DUS3L: variants seen among roughly 807,000 people sequenced by gnomAD.
DUS3L encodes tRNA-dihydrouridine(47) synthase [NAD(P)(+)]-like.
A neutral mutation model predicts 74.6 loss-of-function variants in DUS3L; 62 were observed. That is an observed-to-expected ratio of 0.83 (90% CI 0.68 to 1.03). The LOEUF is 1.03. DUS3L is among the 50% of genes least tolerant of loss of function. DUS3L has a pLI of 0.00. For synonymous variants in DUS3L, 433 were observed against 395.7 expected (o/e 1.09, Z -1.12); for missense variants, 884 against 924.4 (o/e 0.96, Z 0.57).
intron 5 of DUS3L, 81 bp downstream of exon 5, chr19:5,787,943 C>T (rs541189923): frequency 1.4e-4 from 222 of 1,571,564 alleles, no homozygotes; most frequent in Non-Finnish European, 1.8e-4. Context: ...AGGGAGGCAA[C>T]CAGGGCAGAC....
chr19:5,787,956 G>T, intron 5 of DUS3L, 68 bp downstream of exon 5: 1 of 1,587,876 alleles, frequency 6.3e-7, no homozygotes, highest in South Asian at 1.1e-5. Context: ...GGGCAGACCT[G>T]GAACCTGGCT....
chr19:5,790,845 T>C, intron 1 of DUS3L, 199 bp downstream of exon 1: 2 of 613,390 alleles, frequency 3.3e-6, no homozygotes, highest in Non-Finnish European at 5.8e-6. Flanking sequence ...GTGGTGTCCT[T>C]CGCGCATGTG....
chr19:5,786,900 A>G, intron 8 of DUS3L, 55 bp from the exon 9 acceptor site: 1 of 1,540,194 alleles, frequency 6.5e-7, no homozygotes, highest in Non-Finnish European at 8.7e-7. Flanking sequence ...CGCAGAGAGG[A>G]AGAGACCAAG....
rs759817503 is a variant in DUS3L at position 5,785,507 on chromosome 19, C to T, written c.1756G>A (p.Val586Met). ...AGCCGCTCCAGCAGCCCCACGGGCA[C>T]GTACCTGCGGCGGGTGGGCGGGCAG... ...LEWLSFLCRY[V>M]PVGLLERLPQ... Residue 586 changes from valine (V) to methionine (M), a missense_variant, in exon 12 of 13, where the codon GTG becomes ATG. By Grantham distance (21) the Val-to-Met change is conservative (BLOSUM62 1). Coordinates refer to ENST00000309061, the MANE Select transcript of DUS3L (RefSeq NM_020175.3). 10 of 1,560,222 alleles carry T rather than the reference C, an allele frequency of 6.4e-6. No individual in the cohort carries two copies. The highest frequency in any genetic ancestry group is 2.3e-5 in the East Asian group (1 of 44,132).
Position 5,789,417 on chromosome 19 carries a change from C to G in DUS3L, c.690G>C (p.Gln230His), listed in dbSNP as rs2056887114. 1.3e-6 allele frequency: 2 copies of G among 1,596,948 alleles called. No homozygotes were observed. The highest frequency in any genetic ancestry group is 1.3e-5 in the African/African-American group (1 of 74,904). Reference sequence around the variant, plus strand: ...GGCCCTGGCTGAACCGGCGCAGGGCCTGCTCAGCTCGCTCGAAGCGGACCT... The same window carrying G: ...GGCCCTGGCTGAACCGGCGCAGGGCGTGCTCAGCTCGCTCGAAGCGGACCT... Reference protein sequence around the residue: ...KREVRFERAEQALRRFSQGPT... With the variant: ...KREVRFERAEHALRRFSQGPT... Residue 230 changes from glutamine to histidine, a missense_variant, in exon 3 of 13, where the codon CAG becomes CAC. Physicochemically the swap from Gln to His is conservative, Grantham distance 24. Coordinates refer to ENST00000309061, the MANE Select transcript of DUS3L (RefSeq NM_020175.3).
chr19:5,789,640 G>T lies in DUS3L; in HGVS notation c.467C>A (p.Ala156Asp). The T allele has an allele frequency of 6.2e-7, 1 of 1,606,832 alleles. No individual in the cohort carries two copies. Among genetic ancestry groups the T allele is most frequent in the Non-Finnish European group, 8.5e-7 (1 of 1,177,820 alleles). The change falls in exon 3 of 13, where the codon GCC becomes GAC. Residue 156 changes from alanine to aspartate, a missense_variant. Coordinates refer to ENST00000309061, the MANE Select transcript of DUS3L (RefSeq NM_020175.3). ...GAGCACGCAGCGGGGGCCCAGGTCGGCCGGCTTGGTCTCCAGGTAGCGCCC... is the reference window on the plus strand; with the variant it reads ...GAGCACGCAGCGGGGGCCCAGGTCGTCCGGCTTGGTCTCCAGGTAGCGCCC... The part of the protein sequence containing the change: ...DVGRYLETKP[A>D]DLGPRCVLFE...
chr19:5,787,624 T>C lies in DUS3L; in HGVS notation c.1177A>G (p.Asn393Asp). 6.2e-7 allele frequency: 1 copy of C among 1,613,802 alleles called. No homozygotes were observed. Among genetic ancestry groups the C allele is most frequent in the Non-Finnish European group, 8.5e-7 (1 of 1,179,974 alleles). Residue 393 changes from asparagine (N) to aspartate (D), a missense_variant, in exon 6 of 13, where the codon AAC becomes GAC. By Grantham distance (23) the Asn-to-Asp change is conservative (BLOSUM62 1). Transcript: ENST00000309061. ...RTVEVDFVDINVGCPIDLVYK... is the reference protein window; with the variant it reads ...RTVEVDFVDIDVGCPIDLVYK... ...ACGAGGTCGATGGGGCAGCCGACGT[T>C]GATGTCCACAAAGTCCACCTCCACG...
intron 7 of DUS3L, 27 bp from the exon 8 acceptor site, chr19:5,787,198 G>C: frequency 7.0e-7 from 1 of 1,422,232 alleles, no homozygotes; most frequent in Non-Finnish European, 9.5e-7. Context: ...GGAGGTGGTG[G>C]GAGATGGTGG....
rs1039946486 is a variant in DUS3L at position 5,789,798 on chromosome 19, T to C, written c.388-79A>G. ...CAGCAGCCAGGGTTCAAACTCTAGATCACCCCTCCTGGCTCTTGTGTCCCT... is the reference window on the plus strand; with the variant it reads ...CAGCAGCCAGGGTTCAAACTCTAGACCACCCCTCCTGGCTCTTGTGTCCCT... On this transcript the variant is annotated intron_variant, in intron 2 of 12. Transcript: ENST00000309061. 59 of 1,519,734 alleles carry C rather than the reference T, an allele frequency of 3.9e-5. 2 individuals carry two copies. In the South Asian group the frequency reaches 7.2e-4, roughly 18 times the overall value. 94.1% of individuals were successfully genotyped at this position (1,519,734 alleles called of 1,614,324 possible).
At position 5,789,839 on chromosome 19, in the gene DUS3L, C is replaced by A. The variant is rs567897555; in HGVS notation, c.388-120G>T. Reference sequence around the variant, plus strand: ...TTGTGTCCCTGAGCAAGTCAGGCACCTCACCGTGCCTCTGCATCTCCATTT... The same window carrying A: ...TTGTGTCCCTGAGCAAGTCAGGCACATCACCGTGCCTCTGCATCTCCATTT... On this transcript the variant is annotated intron_variant, in intron 2 of 12. Transcript: ENST00000309061. 9.7e-4 allele frequency: 1,311 copies of A among 1,345,370 alleles called. 20 individuals are homozygous for A. Among genetic ancestry groups the A allele is most frequent in the Non-Finnish European group, 6.3e-5 (62 of 985,918 alleles). The allele number at this position is 1,345,370 out of a possible 1,614,324, so 83.3% of individuals were successfully genotyped here.
At chr19:5,786,382 A>T (rs1293262699) in intron 10 of DUS3L, 85 bp downstream of exon 10, 15 of 1,352,364 alleles carry the variant, frequency 1.1e-5, no homozygotes, top group Non-Finnish European at 1.5e-5. Flanking sequence ...AGCCCACCAC[A>T]GAACAGGGGT....
chr19:5,788,085 C>T lies in DUS3L; in HGVS notation c.1034G>A (p.Gly345Asp), dbSNP rs1279380295. ...GAGTAGGGCCCACTCGGACATCTGG[C>T]CCTGCAGCAGGTTGGTGCAGACGGC... is the stretch of plus-strand genomic sequence containing the variant. ...EMAVCTNLLQ[G>D]QMSEWALLKR... Residue 345 changes from glycine (G) to aspartate (D), a missense_variant, in exon 5 of 13, where the codon GGC becomes GAC. Physicochemically the swap from Gly to Asp is moderately conservative, Grantham distance 94. Coordinates refer to ENST00000309061, the MANE Select transcript of DUS3L (RefSeq NM_020175.3). 1.2e-6 allele frequency: 2 copies of T among 1,613,640 alleles called. No individual in the cohort carries two copies. Among genetic ancestry groups the T allele is most frequent in the Admixed American group, 1.7e-5 (1 of 60,008 alleles).
Position 5,790,331 on chromosome 19 carries a change from G to A in DUS3L, c.103C>T (p.Leu35Phe). Residue 35 changes from leucine to phenylalanine, a missense_variant, in exon 2 of 13, where the codon CTC becomes TTC. Transcript: ENST00000309061. ...RGVAPIKRQY[L>F]TTKEQFHQFL... ...TGGTGAAACTGCTCCTTGGTGGTGAGGTATCTGCCGACAGAAAGGGAAAGG... is the reference window on the plus strand; with the variant it reads ...TGGTGAAACTGCTCCTTGGTGGTGAAGTATCTGCCGACAGAAAGGGAAAGG... 3 of 1,613,924 alleles carry A rather than the reference G, an allele frequency of 1.9e-6. No individual in the cohort carries two copies. The highest frequency in any genetic ancestry group is 1.1e-5 in the South Asian group (1 of 91,088).
At chr19:5,786,717 G>C in intron 9 of DUS3L, 32 bp downstream of exon 9, 1 of 1,604,882 alleles carries the variant, frequency 6.2e-7, no homozygotes, top group Middle Eastern at 1.7e-4. Context: ...AGGGTGGTAG[G>C]GGAGAGGGAG....
chr19:5,789,909 A>C (rs1467457811), intron 2 of DUS3L, 138 bp downstream of exon 2: 1 of 1,336,318 alleles, frequency 7.5e-7, no homozygotes, highest in Non-Finnish European at 1.0e-6. Flanking sequence ...TCCCGAGGAG[A>C]ATGAAGACGG....
chr19:5,790,461 G>T, intron 1 of DUS3L, 126 bp from the exon 2 acceptor site: 2 of 1,190,266 alleles, frequency 1.7e-6, no homozygotes, highest in South Asian at 1.5e-5. Context: ...TTAAGAACCA[G>T]CCAGCTCCCA....
chr19:5,786,357 C>T, intron 10 of DUS3L, 110 bp downstream of exon 10: 1 of 1,054,452 alleles, frequency 9.5e-7, no homozygotes, highest in Non-Finnish European at 1.4e-6. Flanking sequence ...CTGCTCCTCC[C>T]ATCTTGGGAC....
intron 1 of DUS3L, 79 bp from the exon 2 acceptor site, chr19:5,790,414 C>T (rs879219126): frequency 2.2e-5 from 34 of 1,554,892 alleles, no homozygotes; most frequent in African/African-American, 1.5e-4. Flanking sequence ...AACACTTGCA[C>T]GTCCTTAAAT....
In DUS3L at chr19:5,789,189, G is replaced by A. The variant is rs764163921; in HGVS notation, c.900+18C>T. Reference sequence around the variant, plus strand: ...CCAGATGGACAGATCTGCTACTGACGTTGTCCTCAACACGTACCCGCTTCT... The same window carrying A: ...CCAGATGGACAGATCTGCTACTGACATTGTCCTCAACACGTACCCGCTTCT... On this transcript the variant is annotated intron_variant, in intron 3 of 12. Coordinates refer to ENST00000309061, the MANE Select transcript of DUS3L (RefSeq NM_020175.3). The A allele has an allele frequency of 8.6e-6, 13 of 1,514,836 alleles. No homozygotes were observed. In the East Asian group the frequency reaches 9.3e-5, roughly 11 times the overall value. 93.8% of individuals were successfully genotyped at this position (1,514,836 alleles called of 1,614,324 possible).
Sources: allele counts gnomAD v4.1 joint callset, GRCh38; gene constraint gnomAD v4.1.1; transcripts MANE v1.5; gene names NCBI Gene and HGNC (gene_info 2026-07-23, HGNC 2026-07-21).